APBB1: variants seen among roughly 807,000 people sequenced by gnomAD.
APBB1 encodes amyloid beta precursor protein binding family B member 1, also known as adaptor protein FE65a2.
A neutral mutation model predicts 78.4 loss-of-function variants in APBB1; 22 were observed. The observed-to-expected ratio is 0.28, with a 90% CI of 0.20 to 0.40. The LOEUF (loss-of-function observed/expected upper bound fraction) is 0.40, where lower values mean the gene tolerates loss of function less well. Among genes scored for constraint, APBB1 ranks in the 10% least tolerant of loss-of-function variants. The pLI is 1.00. For missense variants in APBB1, 749 were observed against 932.4 expected (o/e 0.80, Z 2.56); for synonymous variants, 369 against 372.7 (o/e 0.99, Z 0.12).
chr11:6,399,059 C>T (rs1466781151), intron 12 of APBB1, among the ~76,000 whole-genome samples: 1 of 152,178 alleles, frequency 6.6e-6, no homozygotes, highest in East Asian at 1.9e-4. Flanking sequence ...CTTCTTCCTG[C>T]CTCTCTCCAG....
chr11:6,418,758 G>C (rs552234515), intron 1 of APBB1, among the ~76,000 whole-genome samples: 1 of 152,236 alleles, frequency 6.6e-6, no homozygotes, highest in East Asian at 1.9e-4. Context: ...CCGAGGGGCA[G>C]GAGGTAAAGG....
In APBB1 at chr11:6,395,508, C is replaced by T. The variant is rs1848158945; in HGVS notation, c.*26G>A. 2.0e-6 allele frequency: 3 copies of T among 1,518,958 alleles called. No homozygotes were observed. The highest frequency in any genetic ancestry group is 1.4e-5 in the African/African-American group (1 of 72,180). The allele number at this position is 1,518,958 out of a possible 1,614,324, so 94.1% of individuals were successfully genotyped here. A position where few individuals can be genotyped will look rare whatever the true frequency, so the allele number is the denominator to read the frequency against. On this transcript the variant is annotated 3_prime_UTR_variant, in exon 15 of 15. Transcript: ENST00000609360. This position sits in a 1 kb window ranked among gnomAD's most constrained non-coding sequence, Gnocchi z 5.2. The stretch of plus-strand genomic sequence containing the variant: ...TTAGTTCCCTGGGGCCCAACACAAG[C>T]AGGTGGAGGGAAGGTGGGGGCTTCT...
At chr11:6,402,348 C>A in intron 7 of APBB1, 139 bp from the exon 8 acceptor site, 1 of 1,289,564 alleles carries the variant, frequency 7.8e-7, no homozygotes, top group Non-Finnish European at 1.1e-6. Context: ...GCAGGCCTCA[C>A]TCTAGTGGAG....
intron 1 of APBB1, among the ~76,000 whole-genome samples, chr11:6,418,040 T>C (rs1270141073): frequency 6.6e-6 from 1 of 152,144 alleles, no homozygotes; most frequent in East Asian, 1.9e-4. Flanking sequence ...TTTGAAGCTT[T>C]GGGAGTAGAT....
intron 1 of APBB1, among the ~76,000 whole-genome samples, chr11:6,412,341 C>T (rs186632919): frequency 3.4e-4 from 52 of 152,090 alleles, no homozygotes; most frequent in Admixed American, 4.6e-4. Flanking sequence ...TTAGTAGAGA[C>T]GGGGCTTCAC....
At chr11:6,400,937 CAG>C in intron 12 of APBB1, 50 bp downstream of exon 12, 11 of 1,544,230 alleles carry the variant, frequency 7.1e-6, no homozygotes, top group Non-Finnish European at 9.9e-6. Flanking sequence ...AGGGTAGGGG[CAG>C]AGTTTTAGGA....
At chr11:6,409,623 T>G (rs945527126) in intron 2 of APBB1, among the ~76,000 whole-genome samples, 1 of 152,142 alleles carries the variant, frequency 6.6e-6, no homozygotes, top group Non-Finnish European at 1.5e-5. Flanking sequence ...CCACAAAGAT[T>G]GCACAGTTTG....
rs754744861 is a variant in APBB1 at position 6,402,754 on chromosome 11, T to C, written c.1105-29A>G. The C allele has an allele frequency of 6.2e-6, 10 of 1,612,264 alleles. No homozygotes were observed. In the African/African-American group the frequency reaches 9.4e-5, roughly 15 times the overall value. ...CCAGACACAGAAGAGGGGCAGGAGGTAGAGGATCTGAGTCAAAACTGGAGA... is the reference window on the plus strand; with the variant it reads ...CCAGACACAGAAGAGGGGCAGGAGGCAGAGGATCTGAGTCAAAACTGGAGA... On this transcript the variant is annotated intron_variant, in intron 6 of 14. Coordinates refer to ENST00000609360, the MANE Select transcript of APBB1 (RefSeq NM_001164.5).
intron 1 of APBB1, among the ~76,000 whole-genome samples, chr11:6,416,376 TCA>T (rs1290586865): frequency 6.6e-6 from 1 of 152,210 alleles, no homozygotes; most frequent in African/African-American, 2.4e-5. Flanking sequence ...GCCCACAGCT[TCA>T]GTTATACACT....
rs779663381 is a variant in APBB1 at position 6,411,280 on chromosome 11, C to T, written c.68G>A (p.Ser23Asn). 3.8e-6 allele frequency: 6 copies of T among 1,595,716 alleles called. No individual in the cohort carries two copies. The highest frequency in any genetic ancestry group is 1.1e-5 in the South Asian group (1 of 88,424). ...GGCAGCGTGCAGAGGCAGGGGTAGG[C>T]TCAGTGCGGGGCCTCCGTGGCTGTT... is the stretch of plus-strand genomic sequence containing the variant. ...NANSHGGPAL[S>N]LPLPLHAAHN... Residue 23 changes from serine to asparagine, a missense_variant, in exon 2 of 15, where the codon AGC becomes AAC. Ser to Asn is a conservative substitution (Grantham distance 46, BLOSUM62 1). Transcript: ENST00000609360. This position sits in a 1 kb window ranked among gnomAD's most constrained non-coding sequence, Gnocchi z 5.2.
At chr11:6,402,351 T>C in intron 7 of APBB1, 142 bp from the exon 8 acceptor site, 1 of 1,254,914 alleles carries the variant, frequency 8.0e-7, no homozygotes, top group Non-Finnish European at 1.1e-6. Context: ...GGCCTCACTC[T>C]AGTGGAGGTC....
At chr11:6,397,133 C>A (rs549815638) in intron 12 of APBB1, among the ~76,000 whole-genome samples, 1 of 152,370 alleles carries the variant, frequency 6.6e-6, no homozygotes, top group Non-Finnish European at 1.5e-5. Flanking sequence ...CACACTCATA[C>A]GCTGGCTGTG....
In APBB1 at chr11:6,403,031, C is replaced by T. The variant is rs563014386; in HGVS notation, c.1104+114G>A. ...GGGCTCTGTGCTGAGACTGGAAGAA[C>T]TCCTAACTCAGGACCTGGGGAACTG... On this transcript the variant is annotated intron_variant, in intron 6 of 14. Coordinates refer to ENST00000609360, the MANE Select transcript of APBB1 (RefSeq NM_001164.5). This position sits in a 1 kb window ranked among gnomAD's most constrained non-coding sequence, Gnocchi z 5.3. 116 of 1,060,158 alleles carry T rather than the reference C, an allele frequency of 1.1e-4. No individual in the cohort carries two copies. In the African/African-American group the frequency reaches 1.6e-3, roughly 15 times the overall value. 65.7% of individuals were successfully genotyped at this position (1,060,158 alleles called of 1,614,324 possible). A position where few individuals can be genotyped will look rare whatever the true frequency, so the allele number is the denominator to read the frequency against.
At chr11:6,400,447 CAGG>C (rs1848443574) in intron 12 of APBB1, among the ~76,000 whole-genome samples, 1 of 151,308 alleles carries the variant, frequency 6.6e-6, no homozygotes, top group South Asian at 2.1e-4. Flanking sequence ...GAGGCTAAGG[CAGG>C]AGAATTGCTT....
rs199559612 is a variant in APBB1, at chr11:6,403,818, G to T, written c.726C>A (p.Ser242=). The T allele has an allele frequency of 1.4e-5, 22 of 1,542,752 alleles. No individual in the cohort carries two copies. The highest frequency in any genetic ancestry group is 1.8e-5 in the Non-Finnish European group (21 of 1,143,240). ...TCTCGAAGGCGTTGGGGTTCCAGAAGGAATCTGCCAGGTGGGAGGCTTGGT... is the reference window on the plus strand; with the variant it reads ...TCTCGAAGGCGTTGGGGTTCCAGAATGAATCTGCCAGGTGGGAGGCTTGGT... ...PSYGSPEDTD[S]FWNPNAFETD... is the part of the protein sequence containing the mutation. The change falls in exon 3 of 15, where the codon TCC becomes TCA. Residue 242 remains serine (S), a synonymous_variant. Coordinates refer to ENST00000609360, the MANE Select transcript of APBB1 (RefSeq NM_001164.5). The surrounding 1 kb of genome is among the most constrained non-coding windows in gnomAD (Gnocchi z 5.3).
At position 6,403,567 on chromosome 11, in the gene APBB1, T is replaced by A. The variant is rs1289013341; in HGVS notation, c.898-23A>T. 30 of 1,610,636 alleles carry A rather than the reference T, an allele frequency of 1.9e-5. No homozygotes were observed. The highest frequency in any genetic ancestry group is 2.5e-5 in the Non-Finnish European group (30 of 1,176,916). Reference sequence around the variant, plus strand: ...GAGCTAGGAGGAGGGATGGGAGTAGTGAGTGAGTGTCCTATCCTACTCCAG... The same window carrying A: ...GAGCTAGGAGGAGGGATGGGAGTAGAGAGTGAGTGTCCTATCCTACTCCAG... On this transcript the variant is annotated intron_variant, in intron 3 of 14. Transcript: ENST00000609360. This position sits in a 1 kb window ranked among gnomAD's most constrained non-coding sequence, Gnocchi z 5.3.
chr11:6,405,001 T>C, intron 2 of APBB1: 2 of 1,427,268 alleles, frequency 1.4e-6, no homozygotes, highest in Non-Finnish European at 9.1e-7. Flanking sequence ...CTAGGGAATC[T>C]CCTTGGGGGG....
chr11:6,416,265 T>C (rs375666153), intron 1 of APBB1, among the ~76,000 whole-genome samples: 33 of 152,350 alleles, frequency 2.2e-4, no homozygotes, highest in African/African-American at 7.7e-4. Context: ...CTCTGCTGGC[T>C]CATCTTCCTC....
Position 6,411,367 on chromosome 11 carries a change from G to T in APBB1, c.-14-6C>A. The T allele has an allele frequency of 6.6e-7, 1 of 1,519,820 alleles. No homozygotes were observed. The highest frequency in any genetic ancestry group is 8.8e-7 in the Non-Finnish European group (1 of 1,135,970). The allele number at this position is 1,519,820 out of a possible 1,614,324, so 94.1% of individuals were successfully genotyped here. On this transcript the variant is annotated splice_region_variant and splice_polypyrimidine_tract_variant and intron_variant, in intron 1 of 14. Coordinates refer to ENST00000609360, the MANE Select transcript of APBB1 (RefSeq NM_001164.5). The surrounding 1 kb of genome is among the most constrained non-coding windows in gnomAD (Gnocchi z 5.2). ...AGACATGGCCTTGGCAGCTCCTGTG[G>T]GGTGCGGAGGGGAGATGCTGTTGAG...
Sources: allele counts gnomAD v4.1 joint callset (sites outside exome capture counted in the v4.1 genomes callset), GRCh38; gene constraint gnomAD v4.1.1; non-coding constraint Gnocchi (gnomAD v3.1); transcripts MANE v1.5; gene names NCBI Gene and HGNC (gene_info 2026-07-23, HGNC 2026-07-21).